The following CSMD1 variants were observed in gnomAD, a reference collection of about 807,000 sequenced individuals.
The protein encoded by CSMD1 is CUB and Sushi multiple domains 1, also known as CUB and sushi domain-containing protein 1.
Under a neutral mutation model 417.5 loss-of-function variants are expected in CSMD1, and 213 were observed. That is an observed-to-expected ratio of 0.51 (90% confidence interval 0.46 to 0.57). CSMD1 has a LOEUF of 0.57. Ranked by LOEUF, CSMD1 falls within the 20% of genes least tolerant of loss-of-function variation. The probability of loss-of-function intolerance (pLI) is 0.00; values close to 1 mark genes in which losing one functional copy is unlikely to be tolerated. For missense variants in CSMD1, 6,923 were observed against 4,529.7 expected, an observed-to-expected ratio of 1.53 and a Z score of -15.17; for synonymous variants, 2,862 against 1,736.8, an observed-to-expected ratio of 1.65 and a Z score of -16.11.
chr8:3,887,307 C>T (rs183580335), intron 5 of CSMD1, among the ~76,000 whole-genome samples: 347 of 152,252 alleles, frequency 2.3e-3, no homozygotes, highest in African/African-American at 7.8e-3. Context: ...CTCCCCCCAT[C>T]GCCAGGTGAT....
chr8:3,659,787 G>A (rs2449213), intron 7 of CSMD1, among the ~76,000 whole-genome samples: 11,923 of 151,990 alleles, frequency 0.078, 1,307 homozygotes, highest in African/African-American at 0.25. Context: ...TTCCCAATAC[G>A]CAATAGAACT....
At chr8:4,290,184 T>C (rs1179398995) in intron 3 of CSMD1, among the ~76,000 whole-genome samples, 3 of 152,168 alleles carry the variant, frequency 2.0e-5, no homozygotes, top group African/African-American at 7.2e-5. Flanking sequence ...CGTGGACTTT[T>C]GAAAGAATCA....
intron 9 of CSMD1, among the ~76,000 whole-genome samples, chr8:3,581,332 G>A (rs1800374130): frequency 6.6e-6 from 1 of 152,196 alleles, no homozygotes; most frequent in African/African-American, 2.4e-5. Context: ...ATTCCTAAAT[G>A]AAGTAAGCGT....
chr8:4,012,572 A>G (rs942850330), intron 4 of CSMD1, among the ~76,000 whole-genome samples: 1 of 151,716 alleles, frequency 6.6e-6, no homozygotes, highest in Non-Finnish European at 1.5e-5. Context: ...AACCGTCACC[A>G]CCTCCTTCCT....
At chr8:4,603,949 A>C (rs1320336870) in intron 2 of CSMD1, among the ~76,000 whole-genome samples, 1 of 152,184 alleles carries the variant, frequency 6.6e-6, no homozygotes, top group Non-Finnish European at 1.5e-5. Flanking sequence ...ACTAATGTAC[A>C]TCTATATACA....
intron 20 of CSMD1, among the ~76,000 whole-genome samples, chr8:3,366,332 A>C (rs1809564374): frequency 6.6e-6 from 1 of 152,012 alleles, no homozygotes; most frequent in Admixed American, 6.6e-5. Flanking sequence ...GACCAAGTTT[A>C]TCTCTCACAT....
At chr8:3,650,519 T>C (rs1797799030) in intron 7 of CSMD1, among the ~76,000 whole-genome samples, 1 of 152,132 alleles carries the variant, frequency 6.6e-6, no homozygotes, top group Non-Finnish European at 1.5e-5. Flanking sequence ...TGAGCCTTCA[T>C]TCTCTACTCA....
At chr8:3,327,451 A>G (rs1806607927) in intron 23 of CSMD1, among the ~76,000 whole-genome samples, 1 of 152,218 alleles carries the variant, frequency 6.6e-6, no homozygotes, top group Non-Finnish European at 1.5e-5. Context: ...TATCTTTTTT[A>G]TAGCACAGAA....
intron 3 of CSMD1, among the ~76,000 whole-genome samples, chr8:4,129,517 G>A (rs770450978): frequency 7.9e-5 from 12 of 152,104 alleles, no homozygotes; most frequent in Non-Finnish European, 1.6e-4. Context: ...CATTTTGCCA[G>A]GGCATAGGAA....
intron 8 of CSMD1, among the ~76,000 whole-genome samples, chr8:3,594,967 T>C (rs113955676): frequency 2.8e-4 from 43 of 152,340 alleles, no homozygotes; most frequent in African/African-American, 9.1e-4. Context: ...AAGAAGCCTC[T>C]GAACTGAAGG....
intron 10 of CSMD1, among the ~76,000 whole-genome samples, chr8:3,506,522 C>T (rs963162297): frequency 1.3e-5 from 2 of 152,184 alleles, no homozygotes; most frequent in African/African-American, 4.8e-5. Flanking sequence ...TATGGAGCAG[C>T]AGTTACACAG....
intron 5 of CSMD1, among the ~76,000 whole-genome samples, chr8:3,809,001 A>C (rs952517283): frequency 6.6e-6 from 1 of 152,148 alleles, no homozygotes; most frequent in East Asian, 1.9e-4. Flanking sequence ...TCAACATGAC[A>C]TGGATGATTC....
intron 12 of CSMD1, among the ~76,000 whole-genome samples, chr8:3,435,523 C>G (rs1453300464): frequency 6.6e-6 from 1 of 152,122 alleles, no homozygotes; most frequent in Non-Finnish European, 1.5e-5. Context: ...GTCCACCTCT[C>G]CACTCTGTCC....
intron 3 of CSMD1, among the ~76,000 whole-genome samples, chr8:4,197,083 A>T (rs1395738734): frequency 6.6e-6 from 1 of 152,212 alleles, no homozygotes; most frequent in East Asian, 1.9e-4. Context: ...ATGGGAAATG[A>T]AACATCAAGA....
chr8:4,453,860 C>T (rs1223165402), intron 2 of CSMD1, among the ~76,000 whole-genome samples: 2 of 119,340 alleles, frequency 1.7e-5, no homozygotes, highest in Non-Finnish European at 1.6e-5. Flanking sequence ...CTCACTCTGT[C>T]ACCCACGCTG....
chr8:3,734,951 T>G (rs557618922), intron 6 of CSMD1, among the ~76,000 whole-genome samples: 4 of 152,144 alleles, frequency 2.6e-5, no homozygotes, highest in Non-Finnish European at 5.9e-5. Flanking sequence ...CCCTCCAGAG[T>G]AGCCTCTGTT....
intron 2 of CSMD1, among the ~76,000 whole-genome samples, chr8:4,512,818 TA>T (rs34868507): frequency 0.27 from 40,226 of 146,572 alleles, 6,005 homozygotes; most frequent in East Asian, 0.41. Context: ...TTCATGGATT[TA>T]AAAAAAAAAA....
At chr8:4,431,787 A>C (rs764692279) in intron 2 of CSMD1, among the ~76,000 whole-genome samples, 1 of 152,208 alleles carries the variant, frequency 6.6e-6, no homozygotes, top group Non-Finnish European at 1.5e-5. Flanking sequence ...TTAGAAATGT[A>C]GCAAATGCTT....
chr8:3,285,992 A>G (rs1479355084), intron 25 of CSMD1, among the ~76,000 whole-genome samples: 2 of 151,916 alleles, frequency 1.3e-5, no homozygotes, highest in Non-Finnish European at 2.9e-5. Flanking sequence ...ACTTCCCACA[A>G]CAGGCCCCAG....
Sources: allele counts gnomAD v4.1 joint callset (sites outside exome capture counted in the v4.1 genomes callset), GRCh38; gene constraint gnomAD v4.1.1; transcripts MANE v1.5; gene names NCBI Gene and HGNC (gene_info 2026-07-23, HGNC 2026-07-21).